EDC3: variants seen among roughly 807,000 people sequenced by gnomAD.
The protein encoded by EDC3 is enhancer of mRNA decapping 3.
In EDC3, 20 loss-of-function variants were observed where a neutral mutation model predicts 41.8. That is an observed-to-expected ratio of 0.48 (90% confidence interval 0.34 to 0.70). EDC3 has a LOEUF of 0.70. Among genes scored for constraint, EDC3 ranks in the 30% least tolerant of loss-of-function variants. The probability of loss-of-function intolerance (pLI) is 0.01; values close to 1 mark genes in which losing one functional copy is unlikely to be tolerated. For missense variants in EDC3, 444 were observed against 636.8 expected (o/e 0.70, Z 3.26); for synonymous variants, 206 against 243.2 (o/e 0.85, Z 1.42).
intron 6 of EDC3, among the ~76,000 whole-genome samples, chr15:74,634,914 A>ATG (rs1164323791): frequency 1.3e-5 from 2 of 152,268 alleles, no homozygotes; most frequent in East Asian, 3.9e-4. Flanking sequence ...CCATCTCACC[A>ATG]GAGTAAAAGC....
intron 4 of EDC3, chr15:74,644,453 T>C (rs1238983277): frequency 6.6e-6 from 1 of 152,142 alleles, no homozygotes; most frequent in African/African-American, 2.4e-5. Flanking sequence ...TAAGTGGTAG[T>C]TGAACAATGA....
intron 4 of EDC3, among the ~76,000 whole-genome samples, chr15:74,651,204 T>C (rs531108517): frequency 7.2e-5 from 11 of 152,224 alleles, no homozygotes; most frequent in African/African-American, 2.6e-4. Context: ...GAATTTCAAA[T>C]TACAAGTCTG....
At chr15:74,690,610 G>C (rs1019611498) in intron 1 of EDC3, among the ~76,000 whole-genome samples, 1 of 152,180 alleles carries the variant, frequency 6.6e-6, no homozygotes, top group Non-Finnish European at 1.5e-5. Flanking sequence ...CAACAGGAAA[G>C]GTGTTTGTTT....
At chr15:74,668,600 G>C (rs1384368505) in intron 3 of EDC3, among the ~76,000 whole-genome samples, 2 of 152,054 alleles carry the variant, frequency 1.3e-5, no homozygotes, top group Non-Finnish European at 2.9e-5. Flanking sequence ...CACACCTGTA[G>C]TCCCAGCTAC....
At chr15:74,656,201 CATATT>C in intron 3 of EDC3, 133 bp from the exon 4 acceptor site, 1 of 816,708 alleles carries the variant, frequency 1.2e-6, no homozygotes, top group Non-Finnish European at 1.9e-6. Flanking sequence ...ATTGCAAACT[CATATT>C]AAGTAGCACA....
At chr15:74,647,691 G>A (rs2062433149) in intron 4 of EDC3, among the ~76,000 whole-genome samples, 9 of 152,120 alleles carry the variant, frequency 5.9e-5, no homozygotes, top group Admixed American at 5.9e-4. Flanking sequence ...GTAAAGAAAG[G>A]GACTGATACA....
chr15:74,642,965 G>C (rs1482408664), intron 4 of EDC3: 1 of 152,250 alleles, frequency 6.6e-6, no homozygotes, highest in Non-Finnish European at 1.5e-5. Flanking sequence ...CACTGTTGGT[G>C]AATCAGCATA....
chr15:74,639,735 T>G (rs907734590), intron 5 of EDC3: 2 of 149,962 alleles, frequency 1.3e-5, no homozygotes. Context: ...AAAAAAAGAA[T>G]GCCTTCTTCT....
intron 3 of EDC3, among the ~76,000 whole-genome samples, chr15:74,658,196 C>T (rs2062574280): frequency 6.6e-6 from 1 of 152,200 alleles, no homozygotes; most frequent in Non-Finnish European, 1.5e-5. Context: ...ATGGAATGTA[C>T]TTCCTTCTGA....
chr15:74,690,981 G>A (rs2063001301), intron 1 of EDC3, among the ~76,000 whole-genome samples: 1 of 152,098 alleles, frequency 6.6e-6, no homozygotes, highest in Non-Finnish European at 1.5e-5. Flanking sequence ...GACCGCTTGA[G>A]CCTAGGAGTT....
intron 3 of EDC3, among the ~76,000 whole-genome samples, chr15:74,663,058 G>A (rs1429337957): frequency 6.6e-6 from 1 of 152,170 alleles, no homozygotes; most frequent in Non-Finnish European, 1.5e-5. Flanking sequence ...AGGCCAAGGC[G>A]GGTGGATCAC....
At chr15:74,642,614 T>C (rs1487772985) in intron 4 of EDC3, 1 of 152,264 alleles carries the variant, frequency 6.6e-6, no homozygotes, top group African/African-American at 2.4e-5. Context: ...CACTCGTCTA[T>C]GCATTTCTTC....
At chr15:74,659,284 G>A (rs1029542265) in intron 3 of EDC3, among the ~76,000 whole-genome samples, 18 of 151,740 alleles carry the variant, frequency 1.2e-4, no homozygotes, top group Non-Finnish European at 1.8e-4. Flanking sequence ...TCAACATGGT[G>A]AAATGCCATC....
chr15:74,689,514 C>T (rs1350782523), intron 1 of EDC3, among the ~76,000 whole-genome samples: 3 of 152,038 alleles, frequency 2.0e-5, no homozygotes, highest in East Asian at 1.9e-4. Context: ...TTCCTTCTCC[C>T]TCCATTTCTT....
In EDC3 at chr15:74,630,807, C is replaced by A. The variant is rs2062193647; in HGVS notation, c.*1805G>T. The A allele has an allele frequency of 6.6e-6, 1 of 152,302 alleles. No individual in the cohort carries two copies. Among genetic ancestry groups the A allele is most frequent in the African/African-American group, 2.4e-5 (1 of 41,438 alleles). 9.4% of individuals were successfully genotyped at this position (152,302 alleles called of 1,614,324 possible). A position where few individuals can be genotyped will look rare whatever the true frequency, so the allele number is the denominator to read the frequency against. ...GAGAGAAGAGGGAGAAGCTTGGGCA[C>A]AAACTCCCAGTGGCCCTGCAAGGCT... On this transcript the variant is annotated 3_prime_UTR_variant, in exon 7 of 7. Transcript: ENST00000315127.
intron 6 of EDC3, among the ~76,000 whole-genome samples, chr15:74,634,850 T>C (rs2062252082): frequency 6.6e-6 from 1 of 152,206 alleles, no homozygotes; most frequent in Non-Finnish European, 1.5e-5. Flanking sequence ...AGAATGATCA[T>C]CTGGAACCTA....
chr15:74,680,255 C>T (rs1163212506), intron 1 of EDC3, among the ~76,000 whole-genome samples: 6 of 77,300 alleles, frequency 7.8e-5, no homozygotes, highest in African/African-American at 3.2e-4. Context: ...AGCGAGACTC[C>T]ATCTCAAAAA....
intron 4 of EDC3, among the ~76,000 whole-genome samples, chr15:74,647,474 C>CTA (rs1242215485): frequency 6.6e-6 from 1 of 152,190 alleles, no homozygotes; most frequent in Non-Finnish European, 1.5e-5. Context: ...TCCAGATCCT[C>CTA]TAGCCCTTGG....
intron 3 of EDC3, among the ~76,000 whole-genome samples, chr15:74,659,486 A>C (rs1389941433): frequency 1.2e-4 from 2 of 16,360 alleles, no homozygotes; most frequent in Non-Finnish European, 2.2e-4. Context: ...TAAAAAATAG[A>C]AATATATATA....
Sources: gnomAD v4.1 joint callset for allele counts (sites outside exome capture counted in the v4.1 genomes callset) on GRCh38, gnomAD v4.1.1 for gene constraint, MANE v1.5 for transcripts, NCBI Gene and HGNC (gene_info 2026-07-23, HGNC 2026-07-21) for gene names.